SNRPN: variants seen among roughly 807,000 people sequenced by gnomAD.
SNRPN encodes small nuclear ribonucleoprotein-associated protein N.
A neutral mutation model predicts 25.2 loss-of-function variants in SNRPN; 7 were observed. The observed-to-expected ratio is 0.28, with a 90% confidence interval of 0.16 to 0.52. The LOEUF is 0.52. SNRPN is among the 20% of genes least tolerant of loss of function. The probability of loss-of-function intolerance (pLI) is 0.96; values close to 1 mark genes in which losing one functional copy is unlikely to be tolerated. For missense variants in SNRPN, 196 were observed against 322.5 expected (o/e 0.61, Z 3.00); for synonymous variants, 124 against 110.6 (o/e 1.12, Z -0.76).
intron 2 of SNRPN, among the ~76,000 whole-genome samples, chr15:24,843,697 G>A (rs777570561): frequency 1.3e-5 from 2 of 152,052 alleles, no homozygotes; most frequent in Non-Finnish European, 2.9e-5. Flanking sequence ...TGAGACAGGA[G>A]AGTCACTTGA....
intron 2 of SNRPN, among the ~76,000 whole-genome samples, chr15:24,910,448 C>A (rs2059140620): frequency 6.6e-6 from 1 of 152,086 alleles, no homozygotes; most frequent in Non-Finnish European, 1.5e-5. Flanking sequence ...GTACCACAGT[C>A]TGGGCAACAG....
At chr15:24,865,781 C>A (rs565187088) in intron 1 of SNRPN, among the ~76,000 whole-genome samples, 31 of 152,106 alleles carry the variant, frequency 2.0e-4, no homozygotes, top group Admixed American at 1.2e-3. Flanking sequence ...CTTATGATCT[C>A]TATTTTAATA....
intron 3 of SNRPN, among the ~76,000 whole-genome samples, chr15:24,949,313 C>G (rs1318460542): frequency 6.6e-6 from 1 of 152,102 alleles, no homozygotes; most frequent in African/African-American, 2.4e-5. Context: ...TGAGCCACCA[C>G]ACTTGGCCTG....
At chr15:24,825,777 A>T (rs2050038244) in intron 1 of SNRPN, among the ~76,000 whole-genome samples, 1 of 152,108 alleles carries the variant, frequency 6.6e-6, no homozygotes, top group South Asian at 2.1e-4. Context: ...GAATACTGCA[A>T]TGAAAATGAA....
At chr15:24,959,304 T>G (rs891905785) in intron 1 of SNRPN, among the ~76,000 whole-genome samples, 1 of 152,156 alleles carries the variant, frequency 6.6e-6, no homozygotes, top group Non-Finnish European at 1.5e-5. Flanking sequence ...CAAAATCTTA[T>G]AGATGACATT....
At chr15:24,891,273 T>C (rs2057647285) in intron 2 of SNRPN, among the ~76,000 whole-genome samples, 1 of 152,140 alleles carries the variant, frequency 6.6e-6, no homozygotes, top group South Asian at 2.1e-4. Flanking sequence ...TACCAAAGAC[T>C]ATACAAGATT....
intron 2 of SNRPN, among the ~76,000 whole-genome samples, chr15:24,907,987 A>G (rs2058945454): frequency 8.0e-6 from 1 of 125,540 alleles, no homozygotes; most frequent in Admixed American, 1.0e-4. Context: ...CGGGAGGTGG[A>G]GGTTGTGGTG....
intron 1 of SNRPN, among the ~76,000 whole-genome samples, chr15:24,863,496 A>G (rs1320278141): frequency 6.7e-6 from 1 of 150,372 alleles, no homozygotes; most frequent in Admixed American, 6.6e-5. Context: ...CGGTGTGCTG[A>G]CATTCTTACA....
intron 1 of SNRPN, among the ~76,000 whole-genome samples, chr15:24,876,104 T>C (rs933110452): frequency 8.0e-5 from 12 of 149,962 alleles, no homozygotes; most frequent in African/African-American, 2.9e-4. Context: ...AAATAAGGAG[T>C]GTTCAACACT....
At chr15:24,922,910 T>TTTTTTTC (rs2060117991) in intron 3 of SNRPN, among the ~76,000 whole-genome samples, 1 of 134,100 alleles carries the variant, frequency 7.5e-6, no homozygotes, top group Admixed American at 7.9e-5. Flanking sequence ...TTTTTTTTTT[T>TTTTTTTC]TTTTTTGGGA....
intron 2 of SNRPN, among the ~76,000 whole-genome samples, chr15:24,902,869 A>G (rs568791874): frequency 1.6e-4 from 24 of 152,202 alleles, no homozygotes; most frequent in Non-Finnish European, 3.4e-4. Context: ...GCAAAAGAAC[A>G]ATGCTTCCAC....
At chr15:24,885,086 A>G (rs960314059) in intron 1 of SNRPN, among the ~76,000 whole-genome samples, 2 of 152,246 alleles carry the variant, frequency 1.3e-5, no homozygotes, top group Non-Finnish European at 2.9e-5. Flanking sequence ...GTTGATTTAA[A>G]GAAAATGGTC....
chr15:24,908,236 A>G (rs2058979869), intron 2 of SNRPN, among the ~76,000 whole-genome samples: 1 of 152,086 alleles, frequency 6.6e-6, no homozygotes, highest in African/African-American at 2.4e-5. Context: ...TAGCGGCACA[A>G]CTGACTAAGA....
intron 2 of SNRPN, among the ~76,000 whole-genome samples, chr15:24,907,569 G>C (rs1388367077): frequency 1.3e-5 from 2 of 152,088 alleles, no homozygotes; most frequent in South Asian, 2.1e-4. Flanking sequence ...CTGCACTCCA[G>C]CCTGGGTGAC....
At chr15:24,869,099 C>G (rs1438773497) in intron 1 of SNRPN, among the ~76,000 whole-genome samples, 1 of 152,110 alleles carries the variant, frequency 6.6e-6, no homozygotes, top group Non-Finnish European at 1.5e-5. Flanking sequence ...GAGCCATGAT[C>G]ACACCACAGC....
chr15:24,841,956 A>C (rs1327357692), intron 2 of SNRPN, among the ~76,000 whole-genome samples: 1 of 152,036 alleles, frequency 6.6e-6, no homozygotes, highest in Non-Finnish European at 1.5e-5. Flanking sequence ...TGCTGTTTCC[A>C]CATTCCTTTC....
intron 2 of SNRPN, among the ~76,000 whole-genome samples, chr15:24,891,706 G>A (rs961536042): frequency 6.6e-6 from 1 of 152,032 alleles, no homozygotes; most frequent in Non-Finnish European, 1.5e-5. Flanking sequence ...CCAAAGTGTT[G>A]GGATTACAGG....
intron 7 of SNRPN, among the ~76,000 whole-genome samples, chr15:24,977,384 A>T (rs543688614): frequency 6.6e-6 from 1 of 152,072 alleles, no homozygotes; most frequent in Non-Finnish European, 1.5e-5. Flanking sequence ...TTACGCCTGT[A>T]ATCCAGCACT....
chr15:24,956,644 C>T (rs2062959015), intron 1 of SNRPN, among the ~76,000 whole-genome samples: 1 of 152,188 alleles, frequency 6.6e-6, no homozygotes, highest in South Asian at 2.1e-4. Flanking sequence ...GAATGGCAGC[C>T]CTCCCCTTCA....
Sources: gnomAD v4.1 joint callset for allele counts (sites outside exome capture counted in the v4.1 genomes callset) on GRCh38, gnomAD v4.1.1 for gene constraint, MANE v1.5 for transcripts, NCBI Gene and HGNC (gene_info 2026-07-23, HGNC 2026-07-21) for gene names.